Variants in MEF2A observed in about 807,000 individuals in gnomAD.
MEF2A encodes myocyte enhancer factor 2A.
A neutral mutation model predicts 55.8 loss-of-function variants in MEF2A; 28 were observed. That is an observed-to-expected ratio of 0.50 (90% CI 0.37 to 0.69). The LOEUF (loss-of-function observed/expected upper bound fraction) is 0.69, where lower values mean the gene tolerates loss of function less well. Among genes scored for constraint, MEF2A ranks in the 30% least tolerant of loss-of-function variants. The probability of loss-of-function intolerance (pLI) is 0.00; values close to 1 mark genes in which losing one functional copy is unlikely to be tolerated. For synonymous variants in MEF2A, 239 were observed against 227.1 expected, an observed-to-expected ratio of 1.05 and a Z score of -0.47; for missense variants, 528 against 626.2, an observed-to-expected ratio of 0.84 and a Z score of 1.67.
chr15:99,709,953 TCCTGTCCCCTATTC>T (rs1286944820), intron 10 of MEF2A, among the ~76,000 whole-genome samples: 1 of 152,226 alleles, frequency 6.6e-6, no homozygotes, highest in African/African-American at 2.4e-5. Flanking sequence ...ATTCTGTCTT[TCCTGTCCCCTATTC>T]CCTGTCCCCC....
intron 1 of MEF2A, among the ~76,000 whole-genome samples, chr15:99,569,790 A>G (rs1270777291): frequency 2.0e-5 from 3 of 152,100 alleles, no homozygotes; most frequent in Non-Finnish European, 4.4e-5. Context: ...TTAATATTTT[A>G]AAGTAACTTT....
intron 6 of MEF2A, 28 bp from the exon 7 acceptor site, chr15:99,675,371 C>A: frequency 6.2e-7 from 1 of 1,601,348 alleles, no homozygotes; most frequent in Non-Finnish European, 8.6e-7. Flanking sequence ...ATTCTCTGCC[C>A]TCTGTCTTCT....
At position 99,633,114 on chromosome 15, in the gene MEF2A, C is replaced by G. The variant is rs761422842; in HGVS notation, c.-6C>G. On this transcript the variant is annotated 5_prime_UTR_variant, in exon 3 of 12. Transcript: ENST00000557942. ...AATATAAGGAAATAAGGAAAGTTGA[C>G]TGAAAATGGGGCGGAAGAAAATACA... 6.3e-7 allele frequency: 1 copy of G among 1,599,760 alleles called. No individual in the cohort carries two copies. Among genetic ancestry groups the G allele is most frequent in the South Asian group, 1.1e-5 (1 of 88,266 alleles).
chr15:99,678,345 G>T (rs1235266725), intron 7 of MEF2A, among the ~76,000 whole-genome samples: 3 of 152,082 alleles, frequency 2.0e-5, no homozygotes, highest in Non-Finnish European at 2.9e-5. Flanking sequence ...CTCAATTTTT[G>T]TCTGTGTTGT....
chr15:99,675,647 ACTACT>A (rs951779451), intron 7 of MEF2A, among the ~76,000 whole-genome samples, 189 bp downstream of exon 7: 1 of 152,216 alleles, frequency 6.6e-6, no homozygotes, highest in Non-Finnish European at 1.5e-5. Flanking sequence ...CTGTTACCAA[ACTACT>A]CTATCTTACA....
chr15:99,642,740 C>G (rs2045257790), intron 3 of MEF2A, among the ~76,000 whole-genome samples: 1 of 152,192 alleles, frequency 6.6e-6, no homozygotes. Flanking sequence ...GCTTCTGATA[C>G]TTGTGAATCT....
intron 4 of MEF2A, chr15:99,657,405 TG>T (rs369524971): frequency 6.6e-6 from 1 of 152,030 alleles, no homozygotes; most frequent in African/African-American, 2.4e-5. Flanking sequence ...TTGATATTGT[TG>T]GGCTAGGTTA....
rs1204509146 is a variant in MEF2A, at chr15:99,675,384, C to T, written c.611-15C>T. 1.9e-6 allele frequency: 3 copies of T among 1,612,810 alleles called. No individual in the cohort carries two copies. Among genetic ancestry groups the T allele is most frequent in the South Asian group, 2.2e-5 (2 of 91,052 alleles). On this transcript the variant is annotated splice_polypyrimidine_tract_variant and intron_variant, in intron 6 of 11. Coordinates refer to ENST00000557942, the MANE Select transcript of MEF2A (RefSeq NM_001319206.4). ...TCATTCTCTGCCCTCTGTCTTCTCT[C>T]CGTAACGTTGTTAGGTGGGATGTTG...
At chr15:99,709,012 T>C (rs1226133915) in intron 10 of MEF2A, among the ~76,000 whole-genome samples, 2 of 152,186 alleles carry the variant, frequency 1.3e-5, no homozygotes, top group African/African-American at 2.4e-5. Flanking sequence ...AAAAAACTTT[T>C]GAAGTAGAGG....
intron 4 of MEF2A, among the ~76,000 whole-genome samples, chr15:99,646,996 T>A (rs1404629961): frequency 1.3e-5 from 2 of 152,118 alleles, no homozygotes; most frequent in Non-Finnish European, 2.9e-5. Flanking sequence ...TCCCCTGAAT[T>A]GTATATGAAA....
chr15:99,592,166 T>G (rs1231183817), intron 1 of MEF2A, among the ~76,000 whole-genome samples: 5 of 152,198 alleles, frequency 3.3e-5, no homozygotes, highest in African/African-American at 1.2e-4. Context: ...GCAGATCTAG[T>G]GTAGCCTTTA....
At chr15:99,641,615 C>CG (rs1441305468) in intron 3 of MEF2A, among the ~76,000 whole-genome samples, 1 of 151,920 alleles carries the variant, frequency 6.6e-6, no homozygotes, top group African/African-American at 2.4e-5. Context: ...CCCAGCTACT[C>CG]GGGAGGCTGA....
At chr15:99,689,552 C>T (rs2054956887) in intron 7 of MEF2A, among the ~76,000 whole-genome samples, 1 of 152,170 alleles carries the variant, frequency 6.6e-6, no homozygotes, top group Non-Finnish European at 1.5e-5. Flanking sequence ...ATGATCTCAG[C>T]TCACGGCAAC....
intron 1 of MEF2A, among the ~76,000 whole-genome samples, chr15:99,573,936 A>G (rs1049378387): frequency 1.3e-5 from 2 of 152,236 alleles, no homozygotes; most frequent in Non-Finnish European, 2.9e-5. Flanking sequence ...AATTGATGGT[A>G]TGGATTACGA....
At chr15:99,632,401 A>G (rs2043091761) in intron 2 of MEF2A, among the ~76,000 whole-genome samples, 2 of 152,222 alleles carry the variant, frequency 1.3e-5, no homozygotes, top group Non-Finnish European at 2.9e-5. Context: ...GCAATTTGCA[A>G]GAATTTGAAA....
rs529405084 is a variant in MEF2A at position 99,593,245 on chromosome 15, G to A, written c.-224-5185G>A. On this transcript the variant is annotated intron_variant, in intron 1 of 11. Transcript: ENST00000557942. Reference sequence around the variant, plus strand: ...AATTTTTATCTGTCTCTTGTACTCCGTGAGTCTCCGTATTCTTCTTGGCTT... The same window carrying A: ...AATTTTTATCTGTCTCTTGTACTCCATGAGTCTCCGTATTCTTCTTGGCTT... 5.3e-5 allele frequency among the ~76,000 whole-genome samples: 8 copies of A among 152,112 alleles called. 1 individual carries two copies. Among genetic ancestry groups the A allele is most frequent in the South Asian group, 2.1e-4 (1 of 4,804 alleles).
Position 99,712,921 on chromosome 15 carries a change from GTA to G in MEF2A, c.*152_*153del, listed in dbSNP as rs1491056154. 8.7e-6 allele frequency: 8 copies of G among 918,084 alleles called. No individual in the cohort carries two copies. Among genetic ancestry groups the G allele is most frequent in the Non-Finnish European group, 1.1e-5 (7 of 619,488 alleles). 56.9% of individuals were successfully genotyped at this position (918,084 alleles called of 1,614,324 possible). On this transcript the variant is annotated 3_prime_UTR_variant, in exon 12 of 12. Transcript: ENST00000557942. This position sits in a 1 kb window ranked among gnomAD's most constrained non-coding sequence, Gnocchi z 4.1. ...TATATATGTATGTGGGTGTGAGTGT[GTA>G]TGTGTGGGTGTGTGTTACATACACA...
intron 8 of MEF2A, among the ~76,000 whole-genome samples, chr15:99,699,952 ATGTGTG>A (rs752346994): frequency 8.4e-5 from 11 of 130,680 alleles, no homozygotes; most frequent in African/African-American, 1.7e-4. Flanking sequence ...AAGAGTTTAT[ATGTGTG>A]TGTGTGTGTG....
At chr15:99,569,268 T>C (rs531608805) in intron 1 of MEF2A, among the ~76,000 whole-genome samples, 1 of 152,358 alleles carries the variant, frequency 6.6e-6, no homozygotes, top group Non-Finnish European at 1.5e-5. Flanking sequence ...TGCGTGAAGC[T>C]TCATGTGCGA....
Sources: allele counts gnomAD v4.1 joint callset (sites outside exome capture counted in the v4.1 genomes callset), GRCh38; gene constraint gnomAD v4.1.1; non-coding constraint Gnocchi (gnomAD v3.1); transcripts MANE v1.5; gene names NCBI Gene and HGNC (gene_info 2026-07-23, HGNC 2026-07-21).